Variants in TGM3 observed in about 807,000 individuals in gnomAD.
The protein encoded by TGM3 is transglutaminase 3.
Under a neutral mutation model 73.8 loss-of-function variants are expected in TGM3, and 52 were observed. That is an observed-to-expected ratio of 0.70 (90% CI 0.56 to 0.89). The LOEUF (loss-of-function observed/expected upper bound fraction) is 0.89, where lower values mean the gene tolerates loss of function less well. Among genes scored for constraint, TGM3 ranks in the 40% least tolerant of loss-of-function variants. TGM3 has a pLI of 0.00. For synonymous variants in TGM3, 372 were observed against 354.9 expected (o/e 1.05, Z -0.54); for missense variants, 928 against 909.9 (o/e 1.02, Z -0.26).
rs45603231 is a variant in TGM3 at position 2,328,369 on chromosome 20, G to C, written c.1333+4G>C. On this transcript the variant is annotated splice_donor_region_variant and intron_variant, in intron 9 of 12. Transcript: ENST00000381458. The surrounding 1 kb of genome is among the most constrained non-coding windows in gnomAD (Gnocchi z 5.2). Reference sequence around the variant, plus strand: ...GACAAGTACAAGTACCCAGAAGGTAGGAGGGACGCTGGCGGGGCAGTGCCG... The same window carrying C: ...GACAAGTACAAGTACCCAGAAGGTACGAGGGACGCTGGCGGGGCAGTGCCG... The C allele has an allele frequency of 1.9e-6, 3 of 1,613,936 alleles. No individual in the cohort carries two copies. Among genetic ancestry groups the C allele is most frequent in the Non-Finnish European group, 2.5e-6 (3 of 1,179,870 alleles).
At chr20:2,312,829 C>T in intron 4 of TGM3, 69 bp from the exon 5 acceptor site, 3 of 1,595,246 alleles carry the variant, frequency 1.9e-6, no homozygotes, top group Non-Finnish European at 8.6e-7. Context: ...CTTGCCAGTG[C>T]AGTTCCCTTC....
intron 1 of TGM3, among the ~76,000 whole-genome samples, chr20:2,309,175 G>C (rs1047906689): frequency 1.3e-5 from 2 of 152,202 alleles, no homozygotes; most frequent in South Asian, 4.1e-4. Context: ...CACCACACCC[G>C]GCGCCTCCCT....
At chr20:2,297,846 T>C (rs1213151911) in intron 1 of TGM3, among the ~76,000 whole-genome samples, 1 of 152,178 alleles carries the variant, frequency 6.6e-6, no homozygotes, top group South Asian at 2.1e-4. Context: ...GTGAATGAGA[T>C]GTGGTTCTGT....
At position 2,311,076 on chromosome 20, in the gene TGM3, A is replaced by C. The variant is rs6048066; in HGVS notation, c.487A>C (p.Ile163Leu). 31,891 of 1,614,048 alleles carry C rather than the reference A, an allele frequency of 0.02. 5,324 individuals are homozygous for C. The African/African-American group carries it at 0.37, about 19-fold the overall frequency. ...GTATGTTCAGGAAGATGCCGGCATC[A>C]TCTTTGTGGGAAGCACAAACCGAAT... ...EEYVQEDAGI[I>L]FVGSTNRIGM... The change falls in exon 4 of 13, where the codon ATC becomes CTC. Residue 163 changes from isoleucine (I) to leucine (L), a missense_variant. Transcript: ENST00000381458.
intron 1 of TGM3, among the ~76,000 whole-genome samples, chr20:2,302,405 G>A (rs558749170): frequency 2.0e-5 from 3 of 152,204 alleles, no homozygotes; most frequent in South Asian, 4.1e-4. Context: ...GATTATGTTT[G>A]GCTGTGATTA....
chr20:2,337,281 C>T (rs1335089251), intron 11 of TGM3, among the ~76,000 whole-genome samples: 2 of 152,182 alleles, frequency 1.3e-5, no homozygotes, highest in African/African-American at 2.4e-5. Flanking sequence ...CTTCACAAGA[C>T]ATTTCTGAGA....
intron 6 of TGM3, 31 bp downstream of exon 6, chr20:2,317,276 T>C: frequency 6.2e-7 from 1 of 1,613,626 alleles, no homozygotes; most frequent in Non-Finnish European, 8.5e-7. Context: ...CTTGGCTGGG[T>C]CAGTGGGTGG....
chr20:2,334,698 C>A lies in TGM3; in HGVS notation c.1643-418C>A, dbSNP rs758752932. Among the ~76,000 whole-genome samples the A allele has an allele frequency of 6.6e-6, 1 of 152,188 alleles. No individual in the cohort carries two copies. Among genetic ancestry groups the A allele is most frequent in the East Asian group, 1.9e-4 (1 of 5,180 alleles). ...AGTGCTCACGCCTGTAATCCCAACA[C>A]TTTGGGAGGCCAAGGCGGGAGGATC... On this transcript the variant is annotated intron_variant, in intron 10 of 12. Coordinates refer to ENST00000381458, the MANE Select transcript of TGM3 (RefSeq NM_003245.4). The surrounding 1 kb of genome is among the most constrained non-coding windows in gnomAD (Gnocchi z 4.0).
intron 7 of TGM3, among the ~76,000 whole-genome samples, chr20:2,322,175 G>A (rs985750296): frequency 6.6e-6 from 1 of 152,026 alleles, no homozygotes; most frequent in African/African-American, 2.4e-5. Flanking sequence ...TTTTTATGAT[G>A]CCCTTTTAAA....
intron 5 of TGM3, 35 bp downstream of exon 5, chr20:2,313,061 A>G (rs761492425): frequency 1.5e-5 from 25 of 1,613,296 alleles, no homozygotes; most frequent in Non-Finnish European, 2.5e-6. Flanking sequence ...GCTAGTTGTC[A>G]TCATATATTG....
At chr20:2,319,487 G>C (rs747845244) in intron 7 of TGM3, among the ~76,000 whole-genome samples, 1 of 152,202 alleles carries the variant, frequency 6.6e-6, no homozygotes, top group African/African-American at 2.4e-5. Flanking sequence ...CCTGGAAACA[G>C]GAAAGTGAGG....
chr20:2,316,895 G>A (rs554428139), intron 5 of TGM3, among the ~76,000 whole-genome samples, 173 bp from the exon 6 acceptor site: 1 of 152,130 alleles, frequency 6.6e-6, no homozygotes. Flanking sequence ...TACCCCTAAG[G>A]GTTAAGTGTT....
In TGM3 at chr20:2,296,392, G is replaced by A. The variant is rs141824635; in HGVS notation, c.7+322G>A. ...GTGTTTGCGTTTCTTTTACACATCCGTCGCCACCCGTAAAGCCAAAGCAGA... is the reference window on the plus strand; with the variant it reads ...GTGTTTGCGTTTCTTTTACACATCCATCGCCACCCGTAAAGCCAAAGCAGA... On this transcript the variant is annotated intron_variant, in intron 1 of 12. Transcript: ENST00000381458. Among the ~76,000 whole-genome samples the A allele has an allele frequency of 4.3e-4, 65 of 152,218 alleles. No homozygotes were observed. In the East Asian group the frequency reaches 9.8e-3, roughly 23 times the overall value.
In TGM3 at chr20:2,317,208, T is replaced by C. The variant is rs769149912; in HGVS notation, c.810T>C (p.Tyr270=). Residue 270 remains tyrosine, a synonymous_variant, in exon 6 of 13, where the codon TAT becomes TAC. Coordinates refer to ENST00000381458, the MANE Select transcript of TGM3 (RefSeq NM_003245.4). ...AATCTGGCTTCAGCCCAGTCCGATA[T>C]GGCCAGTGCTGGGTCTTTGCTGGGA... The part of the protein sequence containing the change: ...WKKSGFSPVR[Y]GQCWVFAGTL... 1 of 1,614,172 alleles carries C rather than the reference T, an allele frequency of 6.2e-7. No homozygotes were observed. Among genetic ancestry groups the C allele is most frequent in the East Asian group, 2.2e-5 (1 of 44,866 alleles).
At chr20:2,297,335 C>A (rs2084115051) in intron 1 of TGM3, among the ~76,000 whole-genome samples, 2 of 152,238 alleles carry the variant, frequency 1.3e-5, no homozygotes, top group African/African-American at 4.8e-5. Flanking sequence ...CTCATTTGAG[C>A]TTTGTGACCA....
intron 1 of TGM3, among the ~76,000 whole-genome samples, chr20:2,299,452 G>A (rs982649953): frequency 2.6e-5 from 4 of 152,108 alleles, no homozygotes; most frequent in African/African-American, 9.7e-5. Context: ...ACCCCGCAGG[G>A]CTGTCTCTGC....
intron 1 of TGM3, among the ~76,000 whole-genome samples, chr20:2,296,549 TATTTCAAATCAA>T (rs1449629534): frequency 6.6e-6 from 1 of 152,036 alleles, no homozygotes; most frequent in Non-Finnish European, 1.5e-5. Context: ...AACCATTGTT[TATTTCAAATCAA>T]CTTACTTAGG....
intron 1 of TGM3, among the ~76,000 whole-genome samples, chr20:2,297,461 A>G (rs1363917073): frequency 6.6e-6 from 1 of 152,138 alleles, no homozygotes; most frequent in East Asian, 1.9e-4. Flanking sequence ...ACAAAAAGAA[A>G]CCAGAGCCAG....
chr20:2,305,214 G>T (rs928574550), intron 1 of TGM3, among the ~76,000 whole-genome samples: 11 of 138,278 alleles, frequency 8.0e-5, no homozygotes, highest in Non-Finnish European at 1.7e-4. Context: ...CTCTGTGGAC[G>T]TGGGTAGTGG....
Sources: allele counts gnomAD v4.1 joint callset (sites outside exome capture counted in the v4.1 genomes callset), GRCh38; gene constraint gnomAD v4.1.1; non-coding constraint Gnocchi (gnomAD v3.1); transcripts MANE v1.5; gene names NCBI Gene and HGNC (gene_info 2026-07-23, HGNC 2026-07-21).